Variants in PPFIA2 observed in about 807,000 individuals in gnomAD.
The protein encoded by PPFIA2 is PPFI scaffold protein A2.
A neutral mutation model predicts 175.5 loss-of-function variants in PPFIA2; 46 were observed. The ratio of observed to expected loss-of-function variants is 0.26; its 90% CI spans 0.21 to 0.34. The LOEUF is 0.34. Among genes scored for constraint, PPFIA2 ranks in the 10% least tolerant of loss-of-function variants. The pLI is 1.00. For missense variants in PPFIA2, 1,179 were observed against 1,506.1 expected (o/e 0.78, Z 3.60); for synonymous variants, 568 against 511.4 (o/e 1.11, Z -1.49).
chr12:81,683,706 G>C (rs2074027500), intron 3 of PPFIA2, among the ~76,000 whole-genome samples: 1 of 151,936 alleles, frequency 6.6e-6, no homozygotes, highest in African/African-American at 2.4e-5. Flanking sequence ...CTGCTTCTTA[G>C]GGTGCTTATT....
At chr12:81,601,577 T>G (rs1243479907) in intron 4 of PPFIA2, among the ~76,000 whole-genome samples, 1 of 149,608 alleles carries the variant, frequency 6.7e-6, no homozygotes, top group Non-Finnish European at 1.5e-5. Context: ...AGTATTAAAT[T>G]TAGTCAGGGA....
At chr12:81,293,347 A>G (rs2045563811) in intron 24 of PPFIA2, among the ~76,000 whole-genome samples, 1 of 152,092 alleles carries the variant, frequency 6.6e-6, no homozygotes, top group South Asian at 2.1e-4. Flanking sequence ...GGATTAGGAT[A>G]GGTAAAAAAT....
At chr12:81,502,332 A>G (rs1213088339) in intron 4 of PPFIA2, among the ~76,000 whole-genome samples, 1 of 152,202 alleles carries the variant, frequency 6.6e-6, no homozygotes, top group Non-Finnish European at 1.5e-5. Context: ...AAAATTGGTT[A>G]TAGATTAAGA....
intron 7 of PPFIA2, among the ~76,000 whole-genome samples, chr12:81,434,204 T>A (rs2048588050): frequency 1.3e-5 from 2 of 152,076 alleles, no homozygotes; most frequent in Admixed American, 1.3e-4. Flanking sequence ...CGATGGTATG[T>A]TACAAGTCTA....
At position 81,642,764 on chromosome 12, in the gene PPFIA2, A is replaced by ATG. The variant is rs1567689313; in HGVS notation, c.303+34026_303+34027insCA. 8.5e-4 allele frequency among the ~76,000 whole-genome samples: 10 copies of ATG among 11,758 alleles called. 4 individuals carry two copies. The highest frequency in any genetic ancestry group is 2.2e-3 in the Admixed American group (2 of 926). The allele number at this position is 11,758 out of a possible 152,430, so 7.7% of individuals were successfully genotyped here. ...ATGTATGTATTATATACATACATGTATATGTATGTATGTATTATATACATA... is the reference window on the plus strand; with the variant it reads ...ATGTATGTATTATATACATACATGTATGTATGTATGTATGTATTATATACATA... On this transcript the variant is annotated intron_variant, in intron 4 of 32. Transcript: ENST00000549396.
chr12:81,308,254 T>G (rs996994842), intron 22 of PPFIA2, among the ~76,000 whole-genome samples: 4 of 152,194 alleles, frequency 2.6e-5, no homozygotes, highest in African/African-American at 7.2e-5. Flanking sequence ...CAAATTAGGC[T>G]TTGGATCACA....
At chr12:81,270,093 C>T (rs919015247) in intron 28 of PPFIA2, among the ~76,000 whole-genome samples, 2 of 152,130 alleles carry the variant, frequency 1.3e-5, no homozygotes, top group Admixed American at 1.3e-4. Flanking sequence ...ATAAATAGTG[C>T]TGCTTTGAAT....
At chr12:81,459,659 A>T (rs1461514180) in intron 4 of PPFIA2, among the ~76,000 whole-genome samples, 1 of 152,168 alleles carries the variant, frequency 6.6e-6, no homozygotes, top group Non-Finnish European at 1.5e-5. Context: ...GAAACAATCA[A>T]GTTTTTAAAG....
At position 81,287,830 on chromosome 12, in the gene PPFIA2, AGTAC is replaced by A. The variant is rs2043855893; in HGVS notation, c.2926-3531_2926-3528del. On this transcript the variant is annotated intron_variant, in intron 24 of 32. Transcript: ENST00000549396. ...AGCAATCAAAGGGCATAAAGATATGAGTACCTTGGGATTGAGGATACAGTACAAA... is the reference window on the plus strand; with the variant it reads ...AGCAATCAAAGGGCATAAAGATATGACTTGGGATTGAGGATACAGTACAAA... Among the ~76,000 whole-genome samples, 5 of 151,956 alleles carry A rather than the reference AGTAC, an allele frequency of 3.3e-5. No homozygotes were observed. The South Asian group carries it at 8.3e-4, about 25-fold the overall frequency.
intron 4 of PPFIA2, among the ~76,000 whole-genome samples, chr12:81,536,885 A>G (rs1594663418): frequency 6.6e-6 from 1 of 150,660 alleles, no homozygotes; most frequent in Admixed American, 6.6e-5. Flanking sequence ...TAGCTAGAAA[A>G]ACACGCTATA....
At chr12:81,496,093 T>G (rs555548907) in intron 4 of PPFIA2, among the ~76,000 whole-genome samples, 27 of 152,288 alleles carry the variant, frequency 1.8e-4, no homozygotes, top group Admixed American at 1.7e-3. Flanking sequence ...TTTTTATAAC[T>G]TAGAGCAATG....
intron 3 of PPFIA2, among the ~76,000 whole-genome samples, chr12:81,709,400 A>G (rs2077601644): frequency 6.6e-6 from 1 of 151,776 alleles, no homozygotes; most frequent in South Asian, 2.1e-4. Context: ...TTATTGTTGG[A>G]TTTTCCATTA....
intron 20 of PPFIA2, among the ~76,000 whole-genome samples, chr12:81,339,611 C>T (rs1046841682): frequency 2.0e-5 from 3 of 151,894 alleles, no homozygotes; most frequent in East Asian, 1.9e-4. Flanking sequence ...TGAATATAGG[C>T]TGAGTTATTA....
At chr12:81,481,421 C>A (rs914544538) in intron 4 of PPFIA2, among the ~76,000 whole-genome samples, 1 of 152,122 alleles carries the variant, frequency 6.6e-6, no homozygotes, top group Non-Finnish European at 1.5e-5. Flanking sequence ...CAATAAAGAG[C>A]CCGCATAGCC....
chr12:81,569,697 G>C (rs2072106078), intron 4 of PPFIA2, among the ~76,000 whole-genome samples: 2 of 152,248 alleles, frequency 1.3e-5, no homozygotes, highest in South Asian at 4.2e-4. Context: ...AATTAGGAAA[G>C]AACTATATAA....
chr12:81,468,936 G>A (rs2056245373), intron 4 of PPFIA2, among the ~76,000 whole-genome samples: 1 of 152,020 alleles, frequency 6.6e-6, no homozygotes, highest in South Asian at 2.1e-4. Context: ...AGTAAAAGAA[G>A]CAAACCATGA....
intron 3 of PPFIA2, among the ~76,000 whole-genome samples, chr12:81,730,176 G>T (rs1349083053): frequency 1.3e-5 from 2 of 151,520 alleles, no homozygotes; most frequent in Non-Finnish European, 3.0e-5. Context: ...CATAGAGAAA[G>T]TTCTACACAT....
intron 4 of PPFIA2, among the ~76,000 whole-genome samples, chr12:81,467,982 A>G (rs150122800): frequency 1.1e-3 from 170 of 152,272 alleles, no homozygotes; most frequent in African/African-American, 5.3e-4. Context: ...TCTGCATAAT[A>G]TTACTAGAAT....
rs1478555159 is a variant in PPFIA2, at chr12:81,746,425, C to T, written c.249+7548G>A. 3.5e-5 allele frequency among the ~76,000 whole-genome samples: 5 copies of T among 142,940 alleles called. 1 individual carries two copies. The highest frequency in any genetic ancestry group is 1.2e-4 in the African/African-American group (5 of 40,830). 93.8% of individuals were successfully genotyped at this position (142,940 alleles called of 152,430 possible). A position where few individuals can be genotyped will look rare whatever the true frequency, so the allele number is the denominator to read the frequency against. The stretch of plus-strand genomic sequence containing the variant: ...ATTATTAATTGGTTATTGGTGATAG[C>T]GAACATTCTGAACAGGGAGTTAGAG... On this transcript the variant is annotated intron_variant, in intron 3 of 32. Transcript: ENST00000549396.
Sources: gnomAD v4.1 joint callset for allele counts (sites outside exome capture counted in the v4.1 genomes callset) on GRCh38, gnomAD v4.1.1 for gene constraint, MANE v1.5 for transcripts, NCBI Gene and HGNC (gene_info 2026-07-23, HGNC 2026-07-21) for gene names.